CKMT2: variants seen among roughly 807,000 people sequenced by gnomAD.
The protein encoded by CKMT2 is creatine kinase S-type, mitochondrial.
In CKMT2, 43 loss-of-function variants were observed where a neutral mutation model predicts 48.9. The ratio of observed to expected loss-of-function variants is 0.88; its 90% confidence interval spans 0.69 to 1.13. The LOEUF (loss-of-function observed/expected upper bound fraction) is 1.13. CKMT2 is among the 50% of genes most tolerant of loss of function. The pLI is 0.00. For synonymous variants in CKMT2, 206 were observed against 213.0 expected (o/e 0.97, Z 0.29); for missense variants, 472 against 555.4 (o/e 0.85, Z 1.51).
chr5:81,245,705 CAGCGGGATGGGAA>C (rs1756585128), intron 1 of CKMT2, among the ~76,000 whole-genome samples: 2 of 152,174 alleles, frequency 1.3e-5, no homozygotes, highest in South Asian at 4.1e-4. Flanking sequence ...TCCCAGGAGC[CAGCGGGATGGGAA>C]AGCTGAGACG....
In CKMT2 at chr5:81,254,469, C is replaced by A; in HGVS notation, c.425C>A (p.Thr142Lys). The A allele has an allele frequency of 6.2e-7, 1 of 1,614,142 alleles. No homozygotes were observed. Among genetic ancestry groups the A allele is most frequent in the Non-Finnish European group, 8.5e-7 (1 of 1,180,000 alleles). ...NGYDPRVMKH[T>K]TDLDASKITQ... Reference sequence around the variant, plus strand: ...TATGACCCCAGGGTGATGAAGCACACAACGGATCTGGATGCATCAAAGGTA... The same window carrying A: ...TATGACCCCAGGGTGATGAAGCACAAAACGGATCTGGATGCATCAAAGGTA... The change falls in exon 4 of 10, where the codon ACA becomes AAA. Residue 142 changes from threonine (T) to lysine (K), a missense_variant. Thr to Lys is a moderately conservative substitution (Grantham distance 78). Coordinates refer to ENST00000254035, the MANE Select transcript of CKMT2 (RefSeq NM_001099735.2).
intron 1 of CKMT2, among the ~76,000 whole-genome samples, chr5:81,249,502 A>G (rs1006414456): frequency 3.0e-4 from 45 of 152,346 alleles, no homozygotes; most frequent in African/African-American, 1.1e-3. Context: ...TGTGGGGCTA[A>G]TTGGCCCTTC....
chr5:81,240,895 G>A (rs960634327), intron 1 of CKMT2, among the ~76,000 whole-genome samples: 4 of 152,158 alleles, frequency 2.6e-5, no homozygotes, highest in Non-Finnish European at 5.9e-5. Context: ...GGCAAGTGGT[G>A]GGATCCCCAG....
rs552196484 is a variant in CKMT2 at position 81,252,800 on chromosome 5, G to A, written c.258G>A (p.Thr86=). Residue 86 remains threonine, a synonymous_variant, in exon 3 of 10, where the codon ACG becomes ACA. Coordinates refer to ENST00000254035, the MANE Select transcript of CKMT2 (RefSeq NM_001099735.2). The part of the protein sequence containing the change: ...LRNKVTPNGY[T]LDQCIQTGVD... ...ACAAGGTGACACCCAACGGCTACACGCTGGACCAGTGCATCCAGACTGGAG... is the reference window on the plus strand; with the variant it reads ...ACAAGGTGACACCCAACGGCTACACACTGGACCAGTGCATCCAGACTGGAG... 4 of 1,614,230 alleles carry A rather than the reference G, an allele frequency of 2.5e-6. No homozygotes were observed. Among genetic ancestry groups the A allele is most frequent in the African/African-American group, 1.3e-5 (1 of 75,052 alleles).
At position 81,250,841 on chromosome 5, in the gene CKMT2, A is replaced by T. The variant is rs562500932; in HGVS notation, c.-20-272A>T. On this transcript the variant is annotated intron_variant, in intron 1 of 9. Coordinates refer to ENST00000254035, the MANE Select transcript of CKMT2 (RefSeq NM_001099735.2). Reference sequence around the variant, plus strand: ...TTATTTTTTATCATAGCATATTAACAGAGAAAAGGCATGGAATTCAGAAAG... The same window carrying T: ...TTATTTTTTATCATAGCATATTAACTGAGAAAAGGCATGGAATTCAGAAAG... The T allele has an allele frequency of 4.9e-5, 11 of 225,206 alleles. No homozygotes were observed. In the South Asian group the frequency reaches 9.7e-4, roughly 20 times the overall value. 14.0% of individuals were successfully genotyped at this position (225,206 alleles called of 1,614,324 possible). A position where few individuals can be genotyped will look rare whatever the true frequency, so the allele number is the denominator to read the frequency against.
intron 3 of CKMT2, among the ~76,000 whole-genome samples, chr5:81,253,583 G>A (rs1057324314): frequency 2.0e-5 from 3 of 152,138 alleles, no homozygotes; most frequent in Admixed American, 2.0e-4. Flanking sequence ...GGGAGCTGAA[G>A]GCAGTTCCCT....
At chr5:81,263,746 G>C in intron 9 of CKMT2, 130 bp downstream of exon 9, 1 of 679,906 alleles carries the variant, frequency 1.5e-6, no homozygotes. Context: ...CCTGAGTTAT[G>C]TTAGCTTTTC....
chr5:81,238,062 T>C (rs1318582178), intron 1 of CKMT2: 2 of 152,112 alleles, frequency 1.3e-5, no homozygotes, highest in African/African-American at 4.8e-5. Context: ...AGGCTGGGCG[T>C]GGTGGCTCAC....
intron 1 of CKMT2, among the ~76,000 whole-genome samples, chr5:81,240,077 T>C (rs1233688990): frequency 5.3e-5 from 8 of 151,830 alleles, no homozygotes. Context: ...CACCATGGCT[T>C]CTCCCTACCT....
At chr5:81,248,038 A>C (rs1335357106) in intron 1 of CKMT2, among the ~76,000 whole-genome samples, 1 of 152,230 alleles carries the variant, frequency 6.6e-6, no homozygotes, top group Admixed American at 6.5e-5. Flanking sequence ...TTCAAACATT[A>C]ATATTCTGAG....
intron 1 of CKMT2, chr5:81,237,886 T>C (rs1756297890): frequency 6.6e-6 from 1 of 152,202 alleles, no homozygotes; most frequent in South Asian, 2.1e-4. Context: ...TTAACTCCTT[T>C]AATAGCTGCA....
chr5:81,258,982 T>A (rs933942606), intron 7 of CKMT2, 138 bp from the exon 8 acceptor site: 3 of 781,468 alleles, frequency 3.8e-6, no homozygotes, highest in Admixed American at 2.6e-5. Flanking sequence ...TATTTTCTCT[T>A]AAAGGAGTAC....
Position 81,263,333 on chromosome 5 carries a change from T to TA in CKMT2, c.1015-157dup, listed in dbSNP as rs1212010321. On this transcript the variant is annotated intron_variant, in intron 8 of 9. Coordinates refer to ENST00000254035, the MANE Select transcript of CKMT2 (RefSeq NM_001099735.2). ...GAACGCTTTATTTAGTTAATCTATA[T>TA]ATTCAATATATATATCTATTATAAA... 2.7e-5 allele frequency among the ~76,000 whole-genome samples: 4 copies of TA among 149,066 alleles called. No individual in the cohort carries two copies. In the Admixed American group the frequency reaches 2.7e-4, roughly 10 times the overall value.
chr5:81,245,699 A>C (rs1756584914), intron 1 of CKMT2, among the ~76,000 whole-genome samples: 1 of 152,180 alleles, frequency 6.6e-6, no homozygotes, highest in Non-Finnish European at 1.5e-5. Flanking sequence ...AAAGAGTCCC[A>C]GGAGCCAGCG....
chr5:81,255,613 G>GT (rs1288940334), intron 5 of CKMT2, among the ~76,000 whole-genome samples: 1 of 152,120 alleles, frequency 6.6e-6, no homozygotes, highest in Non-Finnish European at 1.5e-5. Context: ...CAAAAATCTA[G>GT]AAAGGAAATT....
Position 81,252,831 on chromosome 5 carries a change from A to G in CKMT2, c.289A>G (p.Asn97Asp). The change falls in exon 3 of 10, where the codon AAC (asparagine) becomes GAC (aspartate). Residue 97 changes from asparagine to aspartate, a missense_variant. Coordinates refer to ENST00000254035, the MANE Select transcript of CKMT2 (RefSeq NM_001099735.2). ...CCAGTGCATCCAGACTGGAGTGGAC[A>G]ACCCTGGCCACCCCTTCATAAAGAC... is the stretch of plus-strand genomic sequence containing the variant. ...LDQCIQTGVD[N>D]PGHPFIKTVG... 3.1e-6 allele frequency: 5 copies of G among 1,614,238 alleles called. No homozygotes were observed. The highest frequency in any genetic ancestry group is 3.4e-6 in the Non-Finnish European group (4 of 1,180,044).
At chr5:81,256,364 T>G (rs944583955) in intron 5 of CKMT2, among the ~76,000 whole-genome samples, 2 of 152,214 alleles carry the variant, frequency 1.3e-5, no homozygotes, top group African/African-American at 4.8e-5. Flanking sequence ...TTACACTTAT[T>G]TCATAGAGTT....
chr5:81,257,055 C>T, intron 6 of CKMT2, 55 bp downstream of exon 6: 1 of 1,424,276 alleles, frequency 7.0e-7, no homozygotes, highest in South Asian at 1.2e-5. Context: ...TTTTTGAGAT[C>T]ACCTGCTTAT....
At position 81,257,844 on chromosome 5, in the gene CKMT2, T is replaced by G. The variant is rs777426186; in HGVS notation, c.867T>G (p.Arg289=). 2 of 1,612,912 alleles carry G rather than the reference T, an allele frequency of 1.2e-6. No homozygotes were observed. Among genetic ancestry groups the G allele is most frequent in the East Asian group, 4.5e-5 (2 of 44,848 alleles). Residue 289 remains arginine (R), a synonymous_variant, in exon 7 of 10, where the codon CGT becomes CGG. Transcript: ENST00000254035. ...AACGAGTATTTGAGCGATTCTGTCG[T>G]GGACTAAAAGAAGTAAGATGTTATC... ...NMKRVFERFC[R]GLKEVERLIQ... is the part of the protein sequence containing the mutation.
Sources: gnomAD v4.1 joint callset for allele counts (sites outside exome capture counted in the v4.1 genomes callset) on GRCh38, gnomAD v4.1.1 for gene constraint, MANE v1.5 for transcripts, NCBI Gene and HGNC (gene_info 2026-07-23, HGNC 2026-07-21) for gene names.